Variants in RWDD1 observed in about 807,000 individuals in gnomAD.
RWDD1 encodes the protein RWD domain-containing protein 1.
A neutral mutation model predicts 31.6 loss-of-function variants in RWDD1; 17 were observed. The observed-to-expected ratio is 0.54, with a 90% CI of 0.37 to 0.81. RWDD1 has a LOEUF of 0.81. Among genes scored for constraint, RWDD1 ranks in the 30% least tolerant of loss-of-function variants. RWDD1 has a pLI of 0.00. For missense variants in RWDD1, 204 were observed against 274.5 expected, an observed-to-expected ratio of 0.74 and a Z score of 1.82; for synonymous variants, 78 against 94.2, an observed-to-expected ratio of 0.83 and a Z score of 0.99.
intron 6 of RWDD1, 40 bp downstream of exon 6, chr6:116,590,990 G>A (rs932241127): frequency 1.3e-6 from 2 of 1,536,594 alleles, no homozygotes; most frequent in East Asian, 2.4e-5. Context: ...GACAGGCACA[G>A]TAGCTCAAAC....
chr6:116,578,913 T>C (rs1424337041), intron 1 of RWDD1, among the ~76,000 whole-genome samples: 3 of 152,184 alleles, frequency 2.0e-5, no homozygotes, highest in African/African-American at 7.2e-5. Flanking sequence ...TCCTGCTCTG[T>C]CGTCCAGGCT....
At chr6:116,583,262 C>G (rs2115329892) in intron 2 of RWDD1, among the ~76,000 whole-genome samples, 1 of 152,240 alleles carries the variant, frequency 6.6e-6, no homozygotes, top group South Asian at 2.1e-4. Context: ...CAGGCATAAA[C>G]CCCAGCGCCT....
chr6:116,577,211 T>C (rs1242199896), intron 1 of RWDD1, among the ~76,000 whole-genome samples: 1 of 152,198 alleles, frequency 6.6e-6, no homozygotes, highest in Non-Finnish European at 1.5e-5. Context: ...GCTAGGAAAC[T>C]GACAAGAGAC....
In RWDD1 at chr6:116,593,121, G is replaced by T; in HGVS notation, c.*20G>T. On this transcript the variant is annotated 3_prime_UTR_variant, in exon 7 of 7. Coordinates refer to ENST00000466444, the MANE Select transcript of RWDD1 (RefSeq NM_015952.4). ...GACTAATGGACTGTCCCCATCTGCA[G>T]AGAGGCTTGACTGCCACAGCATCTG... The T allele has an allele frequency of 6.2e-7, 1 of 1,602,236 alleles. No individual in the cohort carries two copies. The highest frequency in any genetic ancestry group is 8.5e-7 in the Non-Finnish European group (1 of 1,175,554).
At chr6:116,583,651 A>G (rs1395343252) in intron 2 of RWDD1, among the ~76,000 whole-genome samples, 1 of 152,160 alleles carries the variant, frequency 6.6e-6, no homozygotes. Context: ...CCTTAAATAT[A>G]TACAATTTTT....
chr6:116,574,703 TTC>T (rs2115322207), intron 1 of RWDD1, among the ~76,000 whole-genome samples: 1 of 151,692 alleles, frequency 6.6e-6, no homozygotes, highest in South Asian at 2.1e-4. Context: ...TTCCTTTTCT[TTC>T]TTTCTTTTTT....
intron 3 of RWDD1, among the ~76,000 whole-genome samples, chr6:116,587,599 C>T (rs530227206): frequency 3.4e-4 from 51 of 151,978 alleles, no homozygotes; most frequent in Non-Finnish European, 6.2e-4. Flanking sequence ...TTAAGCAAGA[C>T]ATTGACTAGA....
At chr6:116,573,312 C>T (rs1054465181) in intron 1 of RWDD1, among the ~76,000 whole-genome samples, 4 of 152,132 alleles carry the variant, frequency 2.6e-5, no homozygotes, top group East Asian at 1.9e-4. Context: ...TGGTATAGTT[C>T]GCTATGTGAA....
At chr6:116,585,519 G>T (rs1307421271) in intron 3 of RWDD1, among the ~76,000 whole-genome samples, 1 of 152,042 alleles carries the variant, frequency 6.6e-6, no homozygotes, top group South Asian at 2.1e-4. Context: ...GTAGGGAGGG[G>T]GGTAAAATTC....
At chr6:116,591,279 T>A (rs998606989) in intron 6 of RWDD1, among the ~76,000 whole-genome samples, 2 of 152,208 alleles carry the variant, frequency 1.3e-5, no homozygotes, top group African/African-American at 4.8e-5. Context: ...GTTGTAATTC[T>A]ATAGCAACAT....
rs555144071 is a variant in RWDD1 at position 116,594,251 on chromosome 6, C to G, written c.*1150C>G. 11 of 152,138 alleles carry G rather than the reference C, an allele frequency of 7.2e-5. No homozygotes were observed. In the East Asian group the frequency reaches 2.1e-3, roughly 29 times the overall value. The allele number at this position is 152,138 out of a possible 1,614,324, so 9.4% of individuals were successfully genotyped here. A position where few individuals can be genotyped will look rare whatever the true frequency, so the allele number is the denominator to read the frequency against. ...CACCAGCCCCCATCTCCCAACACCA[C>G]CACACTGGGGATTAAATTTCAATGT... On this transcript the variant is annotated 3_prime_UTR_variant, in exon 7 of 7. Coordinates refer to ENST00000466444, the MANE Select transcript of RWDD1 (RefSeq NM_015952.4).
intron 1 of RWDD1, among the ~76,000 whole-genome samples, chr6:116,576,109 G>A (rs1197219685): frequency 6.6e-6 from 1 of 152,110 alleles, no homozygotes; most frequent in African/African-American, 2.4e-5. Flanking sequence ...CTTGCTTCAC[G>A]TTTTTTTCTC....
At chr6:116,583,787 T>G (rs2115330397) in intron 2 of RWDD1, among the ~76,000 whole-genome samples, 1 of 152,342 alleles carries the variant, frequency 6.6e-6, no homozygotes, top group Non-Finnish European at 1.5e-5. Flanking sequence ...AGATACTGTT[T>G]CTTACTGACC....
rs185734879 is a variant in RWDD1, at chr6:116,573,096, T to A, written c.73+1441T>A. On this transcript the variant is annotated intron_variant, in intron 1 of 6. Transcript: ENST00000466444. ...ATATTCTTAATCATGTTTGGTCATTTCCAGTACTTTGGAAACATACTAGGT... is the reference window on the plus strand; with the variant it reads ...ATATTCTTAATCATGTTTGGTCATTACCAGTACTTTGGAAACATACTAGGT... The A allele has an allele frequency of 2.2e-4, 159 of 724,222 alleles. No individual in the cohort carries two copies. In the Middle Eastern group the frequency reaches 4.9e-3, roughly 22 times the overall value. The allele number at this position is 724,222 out of a possible 1,614,324, so 44.9% of individuals were successfully genotyped here. A position where few individuals can be genotyped will look rare whatever the true frequency, so the allele number is the denominator to read the frequency against.
chr6:116,571,534 C>T lies in RWDD1; in HGVS notation c.-49C>T. 3 of 1,580,792 alleles carry T rather than the reference C, an allele frequency of 1.9e-6. No homozygotes were observed. Among genetic ancestry groups the T allele is most frequent in the Non-Finnish European group, 1.7e-6 (2 of 1,160,822 alleles). On this transcript the variant is annotated 5_prime_UTR_variant, in exon 1 of 7. Transcript: ENST00000466444. ...GGCGCGGCAGCTGTCTGGGCTGCTG[C>T]GCGCCGCCTAGGTGTCTGGGCGATC...
chr6:116,591,518 A>T (rs554123859), intron 6 of RWDD1, among the ~76,000 whole-genome samples: 3 of 152,150 alleles, frequency 2.0e-5, no homozygotes, highest in African/African-American at 7.2e-5. Context: ...CTTTCATATG[A>T]CTCTTGCTGT....
chr6:116,580,268 A>G (rs376801563), intron 1 of RWDD1, 27 bp from the exon 2 acceptor site: 260 of 1,546,796 alleles, frequency 1.7e-4, no homozygotes, highest in African/African-American at 6.4e-4. Context: ...AAGCATTTCA[A>G]TAACTTCTGT....
At chr6:116,588,754 A>G in intron 3 of RWDD1, 88 bp from the exon 4 acceptor site, 1 of 840,104 alleles carries the variant, frequency 1.2e-6, no homozygotes, top group Non-Finnish European at 1.7e-6. Context: ...GTATGAACAT[A>G]GAATATAACC....
At chr6:116,572,787 T>C in intron 1 of RWDD1, 3 of 948,348 alleles carry the variant, frequency 3.2e-6, no homozygotes, top group Non-Finnish European at 3.8e-6. Flanking sequence ...ATTGTTTAGC[T>C]TAGTTTTCTT....
Sources: allele counts gnomAD v4.1 joint callset (sites outside exome capture counted in the v4.1 genomes callset), GRCh38; gene constraint gnomAD v4.1.1; transcripts MANE v1.5; gene names NCBI Gene and HGNC (gene_info 2026-07-23, HGNC 2026-07-21).